Variants in KLHL1 observed in about 807,000 individuals in gnomAD.
The protein encoded by KLHL1 is kelch like family member 1, also known as kelch-like protein 1.
A neutral mutation model predicts 77.7 loss-of-function variants in KLHL1; 47 were observed. That is an observed-to-expected ratio of 0.60 (90% CI 0.48 to 0.77). The LOEUF (loss-of-function observed/expected upper bound fraction) is 0.77, where lower values mean the gene tolerates loss of function less well. Ranked by LOEUF, KLHL1 falls within the 30% of genes least tolerant of loss-of-function variation. KLHL1 has a pLI of 0.00. For missense variants in KLHL1, 925 were observed against 910.8 expected, an observed-to-expected ratio of 1.02 and a Z score of -0.20; for synonymous variants, 360 against 325.2, an observed-to-expected ratio of 1.11 and a Z score of -1.15.
chr13:70,023,315 T>C (rs1195581819), intron 1 of KLHL1, among the ~76,000 whole-genome samples: 1 of 151,920 alleles, frequency 6.6e-6, no homozygotes, highest in Non-Finnish European at 1.5e-5. Flanking sequence ...GAGTGTCCTC[T>C]TCCCTACTCA....
At chr13:69,855,367 G>T (rs1298415234) in intron 5 of KLHL1, among the ~76,000 whole-genome samples, 5,838 of 137,706 alleles carry the variant, frequency 0.042, 184 homozygotes, top group African/African-American at 0.06. Context: ...TAGATACATA[G>T]AGAGATAGAT....
At chr13:69,984,701 C>T (rs1377333027) in intron 1 of KLHL1, among the ~76,000 whole-genome samples, 2 of 152,088 alleles carry the variant, frequency 1.3e-5, no homozygotes, top group African/African-American at 2.4e-5. Flanking sequence ...CCTATTAAAC[C>T]TCCGCTCTTA....
At chr13:69,705,979 G>A (rs980441726) in intron 10 of KLHL1, among the ~76,000 whole-genome samples, 100 of 151,456 alleles carry the variant, frequency 6.6e-4, no homozygotes, top group African/African-American at 2.1e-3. Context: ...CTTTTAAGTG[G>A]AACATTTAAA....
At chr13:69,711,320 A>G (rs888621737) in intron 9 of KLHL1, among the ~76,000 whole-genome samples, 10 of 152,078 alleles carry the variant, frequency 6.6e-5, no homozygotes, top group African/African-American at 2.4e-4. Context: ...CAAATTAAAA[A>G]CCAAAGACAC....
intron 1 of KLHL1, among the ~76,000 whole-genome samples, chr13:70,072,759 G>C (rs758832782): frequency 1.3e-5 from 2 of 151,974 alleles, no homozygotes; most frequent in Non-Finnish European, 2.9e-5. Flanking sequence ...TATGATAAAA[G>C]TGCTCAGCTG....
intron 1 of KLHL1, among the ~76,000 whole-genome samples, chr13:69,986,192 G>A (rs965489447): frequency 6.6e-6 from 1 of 151,894 alleles, no homozygotes; most frequent in Non-Finnish European, 1.5e-5. Flanking sequence ...TGTGGGGAGA[G>A]AAGAATGGGA....
chr13:69,828,419 A>G (rs1878630498), intron 6 of KLHL1, among the ~76,000 whole-genome samples: 1 of 150,302 alleles, frequency 6.7e-6, no homozygotes, highest in Non-Finnish European at 1.5e-5. Context: ...TTCTAACTTT[A>G]TCTCACAGGG....
intron 1 of KLHL1, among the ~76,000 whole-genome samples, chr13:70,079,086 C>T (rs1887331816): frequency 6.6e-6 from 1 of 152,150 alleles, no homozygotes; most frequent in South Asian, 2.1e-4. Flanking sequence ...GAAATGCAAA[C>T]TAGACAATCA....
intron 1 of KLHL1, among the ~76,000 whole-genome samples, chr13:70,000,403 CAA>C (rs1157358596): frequency 1.3e-5 from 2 of 151,830 alleles, no homozygotes; most frequent in Non-Finnish European, 2.9e-5. Context: ...GAAAAATCCA[CAA>C]AGTTTCTTCC....
intron 5 of KLHL1, among the ~76,000 whole-genome samples, chr13:69,868,456 C>T (rs1880455984): frequency 6.6e-6 from 1 of 151,750 alleles, no homozygotes; most frequent in Admixed American, 6.6e-5. Context: ...TTAAGAGGCT[C>T]AGTAAACAAC....
chr13:70,081,611 A>G (rs1887394193), intron 1 of KLHL1, among the ~76,000 whole-genome samples: 3 of 152,282 alleles, frequency 2.0e-5, no homozygotes, highest in African/African-American at 7.2e-5. Context: ...CATTTCTTCC[A>G]ATCTACAAAT....
chr13:69,741,483 T>A (rs1009365471), intron 7 of KLHL1, among the ~76,000 whole-genome samples: 1 of 152,062 alleles, frequency 6.6e-6, no homozygotes, highest in African/African-American at 2.4e-5. Flanking sequence ...GACTCCTAGA[T>A]CAAAGAAGAA....
At chr13:69,721,062 G>GATATAGATATAT (rs1873022267) in intron 8 of KLHL1, among the ~76,000 whole-genome samples, 1 of 20,632 alleles carries the variant, frequency 4.8e-5, no homozygotes, top group African/African-American at 9.0e-5. Flanking sequence ...TAGCTACTAA[G>GATATAGATATAT]ATATATATAT....
chr13:69,855,419 T>TAGAGAC (rs1380608576), intron 5 of KLHL1, among the ~76,000 whole-genome samples: 21 of 151,906 alleles, frequency 1.4e-4, no homozygotes, highest in Non-Finnish European at 2.9e-4. Context: ...CAGATAGAGA[T>TAGAGAC]AGAGACAGAG....
At chr13:69,803,788 T>A (rs1268838165) in intron 6 of KLHL1, among the ~76,000 whole-genome samples, 1 of 152,180 alleles carries the variant, frequency 6.6e-6, no homozygotes, top group Non-Finnish European at 1.5e-5. Flanking sequence ...AAGTGGTCTC[T>A]AGAAGCTGAG....
chr13:69,969,860 G>A (rs568311675), intron 2 of KLHL1, among the ~76,000 whole-genome samples: 4 of 152,124 alleles, frequency 2.6e-5, no homozygotes, highest in Non-Finnish European at 5.9e-5. Context: ...CATGCATAAA[G>A]AAGTATATGC....
intron 2 of KLHL1, among the ~76,000 whole-genome samples, chr13:69,962,900 C>T (rs74090659): frequency 0.061 from 9,251 of 152,172 alleles, 462 homozygotes; most frequent in African/African-American, 0.14. Flanking sequence ...AAACCATTTA[C>T]ATTCGGCTAT....
chr13:69,799,858 G>C (rs12429407), intron 6 of KLHL1, among the ~76,000 whole-genome samples: 17,742 of 152,096 alleles, frequency 0.12, 1,226 homozygotes, highest in African/African-American at 0.19. Context: ...ACAGCAGGAG[G>C]TGAGCGGCAC....
intron 1 of KLHL1, among the ~76,000 whole-genome samples, chr13:70,070,559 A>G (rs1887114931): frequency 6.6e-6 from 1 of 152,140 alleles, no homozygotes; most frequent in African/African-American, 2.4e-5. Context: ...ATTCTTAAAC[A>G]AAAATACAAA....
Sources: allele counts gnomAD v4.1 joint callset (sites outside exome capture counted in the v4.1 genomes callset), GRCh38; gene constraint gnomAD v4.1.1; transcripts MANE v1.5; gene names NCBI Gene and HGNC (gene_info 2026-07-23, HGNC 2026-07-21).